The following EBF3 variants were observed in gnomAD, a reference collection of about 807,000 sequenced individuals.
The protein encoded by EBF3 is transcription factor COE3.
In EBF3, 18 loss-of-function variants were observed where a neutral mutation model predicts 77.1. The observed-to-expected ratio is 0.23, with a 90% confidence interval of 0.16 to 0.35. EBF3 has a LOEUF of 0.35. EBF3 is among the 10% of genes least tolerant of loss of function. The pLI, the probability that EBF3 is intolerant of heterozygous loss-of-function variation, is 1.00. For missense variants in EBF3, 558 were observed against 860.0 expected (o/e 0.65, Z 4.39); for synonymous variants, 350 against 343.5 (o/e 1.02, Z -0.21).
rs1851659895 is a variant in EBF3 at position 129,861,841 on chromosome 10, T to TA, written c.1039+5299dup. Among the ~76,000 whole-genome samples the TA allele has an allele frequency of 2.0e-5, 3 of 152,348 alleles. No homozygotes were observed. The South Asian group carries it at 6.2e-4, about 32-fold the overall frequency. ...AATAGTATGATTTGTGGGCGGCAAT[T>TA]AAGCATCATTTGCTCTGTGCATCCA... On this transcript the variant is annotated intron_variant, in intron 10 of 16. Coordinates refer to ENST00000440978, the MANE Select transcript of EBF3 (RefSeq NM_001375380.1). The surrounding 1 kb of genome is among the most constrained non-coding windows in gnomAD (Gnocchi z 4.3).
intron 6 of EBF3, among the ~76,000 whole-genome samples, chr10:129,918,605 C>T (rs1856053688): frequency 6.6e-6 from 1 of 152,200 alleles, no homozygotes; most frequent in African/African-American, 2.4e-5. Context: ...TGTGTGTTCG[C>T]ATGGTTGTTT....
chr10:129,868,008 G>C, intron 8 of EBF3, 96 bp from the exon 9 acceptor site: 1 of 1,521,664 alleles, frequency 6.6e-7, no homozygotes, highest in Non-Finnish European at 8.8e-7. Flanking sequence ...CACCGCGGGA[G>C]GAGAGGCGCG....
At position 129,879,481 on chromosome 10, in the gene EBF3, G is replaced by GC. The variant is rs975749443; in HGVS notation, c.555-1633dup. On this transcript the variant is annotated intron_variant, in intron 6 of 16. Coordinates refer to ENST00000440978, the MANE Select transcript of EBF3 (RefSeq NM_001375380.1). The surrounding 1 kb of genome is among the most constrained non-coding windows in gnomAD (Gnocchi z 4.7). ...TCAACGGACCAAGACTCATCTAAGT[G>GC]CCCCCCCAGCATATCCTGGATGACT... is the stretch of plus-strand genomic sequence containing the variant. 2.1e-4 allele frequency among the ~76,000 whole-genome samples: 32 copies of GC among 152,114 alleles called. No individual in the cohort carries two copies. Among genetic ancestry groups the GC allele is most frequent in the African/African-American group, 6.0e-4 (25 of 41,466 alleles).
intron 6 of EBF3, among the ~76,000 whole-genome samples, chr10:129,940,637 TG>T (rs1857664399): frequency 6.6e-6 from 1 of 152,172 alleles, no homozygotes; most frequent in East Asian, 1.9e-4. Context: ...TTATCTCTAC[TG>T]TGGGCGGGTG....
chr10:129,853,106 G>A (rs1467854404), intron 10 of EBF3, among the ~76,000 whole-genome samples: 1 of 152,238 alleles, frequency 6.6e-6, no homozygotes, highest in Non-Finnish European at 1.5e-5. Context: ...AGCCCAGCCA[G>A]CGAGCAGTGT....
intron 6 of EBF3, among the ~76,000 whole-genome samples, chr10:129,924,105 G>A (rs997072880): frequency 6.6e-6 from 1 of 152,166 alleles, no homozygotes; most frequent in African/African-American, 2.4e-5. Flanking sequence ...CACCCATTAG[G>A]ATGGCTGCTA....
In EBF3 at chr10:129,943,592, C is replaced by T. The variant is rs1187404190; in HGVS notation, c.554+13666G>A. 4.6e-5 allele frequency among the ~76,000 whole-genome samples: 7 copies of T among 152,266 alleles called. No individual in the cohort carries two copies. The highest frequency in any genetic ancestry group is 1.5e-5 in the Non-Finnish European group (1 of 68,016). ...CAAGTGGTTGCCAGGAGTCGCCAGCCGGGCTTGGGAACAAGACAGGTCCCC... is the reference window on the plus strand; with the variant it reads ...CAAGTGGTTGCCAGGAGTCGCCAGCTGGGCTTGGGAACAAGACAGGTCCCC... On this transcript the variant is annotated intron_variant, in intron 6 of 16. Coordinates refer to ENST00000440978, the MANE Select transcript of EBF3 (RefSeq NM_001375380.1). This position sits in a 1 kb window ranked among gnomAD's most constrained non-coding sequence, Gnocchi z 8.8.
chr10:129,926,312 T>G (rs549003), intron 6 of EBF3, among the ~76,000 whole-genome samples: 8,336 of 152,170 alleles, frequency 0.055, 360 homozygotes, highest in African/African-American at 0.12. Flanking sequence ...GGAGTCCCCC[T>G]TCCTGAGACC....
chr10:129,959,776 G>C (rs1859348562), intron 4 of EBF3, among the ~76,000 whole-genome samples: 1 of 151,826 alleles, frequency 6.6e-6, no homozygotes, highest in Admixed American at 6.6e-5. Flanking sequence ...CGTGGGCCGC[G>C]GCGTCGCCAG....
intron 8 of EBF3, among the ~76,000 whole-genome samples, chr10:129,868,450 T>C (rs1409992614): frequency 1.3e-5 from 2 of 152,250 alleles, no homozygotes; most frequent in African/African-American, 4.8e-5. Flanking sequence ...ACTATATTAA[T>C]ACTTTTGTCA....
intron 16 of EBF3, among the ~76,000 whole-genome samples, chr10:129,838,613 AAGAAG>A (rs1264517701): frequency 3.9e-5 from 6 of 152,212 alleles, no homozygotes; most frequent in Non-Finnish European, 8.8e-5. Flanking sequence ...CTTCTCAGGA[AAGAAG>A]AGAAAACTTT....
chr10:129,961,393 C>A (rs1295171405), intron 4 of EBF3, among the ~76,000 whole-genome samples: 6 of 152,144 alleles, frequency 3.9e-5, no homozygotes, highest in Non-Finnish European at 8.8e-5. Flanking sequence ...CCACCCAGCA[C>A]AAAACCAGCA....
At chr10:129,880,955 C>CA (rs1668094874) in intron 6 of EBF3, among the ~76,000 whole-genome samples, 1 of 152,192 alleles carries the variant, frequency 6.6e-6, no homozygotes, top group African/African-American at 2.4e-5. Flanking sequence ...CACACGATTT[C>CA]AGTGTTTGGG....
intron 6 of EBF3, 80 bp downstream of exon 6, chr10:129,957,178 G>A: frequency 7.8e-7 from 1 of 1,290,314 alleles, no homozygotes; most frequent in South Asian, 1.3e-5. Flanking sequence ...CAAAAATATG[G>A]AGCAACTGGA....
chr10:129,956,425 T>C (rs1036753373), intron 6 of EBF3, among the ~76,000 whole-genome samples: 2 of 152,276 alleles, frequency 1.3e-5, no homozygotes, highest in African/African-American at 2.4e-5. Context: ...CTGCTACCCA[T>C]TGTTGGAAAG....
chr10:129,917,369 A>C (rs1228661894), intron 6 of EBF3, among the ~76,000 whole-genome samples: 1 of 152,218 alleles, frequency 6.6e-6, no homozygotes, highest in Non-Finnish European at 1.5e-5. Flanking sequence ...ACTCCGTCTC[A>C]AGGAAAAAAA....
In EBF3 at chr10:129,963,706, G is replaced by A. The variant is rs1271307454; in HGVS notation, c.63C>T (p.Gly21=). 3.9e-6 allele frequency: 6 copies of A among 1,536,078 alleles called. No individual in the cohort carries two copies. The highest frequency in any genetic ancestry group is 2.7e-5 in the East Asian group (1 of 37,190). Residue 21 remains glycine (G), a synonymous_variant, in exon 1 of 17, where the codon GGC becomes GGT. Transcript: ENST00000440978. The surrounding 1 kb of genome is among the most constrained non-coding windows in gnomAD (Gnocchi z 7.1). ...ACGAGCGCACCGGGTTCATGCCGCT[G>A]CCCAGCGGCTCCTCCTTCATGGTCG... The part of the protein sequence containing the change: ...GGTTMKEEPL[G]SGMNPVRSWM...
chr10:129,942,426 A>T (rs1857827035), intron 6 of EBF3, among the ~76,000 whole-genome samples: 1 of 152,254 alleles, frequency 6.6e-6, no homozygotes, highest in South Asian at 2.1e-4. Flanking sequence ...ATGCCAAACA[A>T]AACAAAAGCA....
At chr10:129,930,874 CT>C (rs1232767080) in intron 6 of EBF3, among the ~76,000 whole-genome samples, 1 of 148,094 alleles carries the variant, frequency 6.8e-6, no homozygotes, top group Non-Finnish European at 1.5e-5. Context: ...ACAAATCCCC[CT>C]CTCATATACC....
Sources: allele counts gnomAD v4.1 joint callset (sites outside exome capture counted in the v4.1 genomes callset), GRCh38; gene constraint gnomAD v4.1.1; non-coding constraint Gnocchi (gnomAD v3.1); transcripts MANE v1.5; gene names NCBI Gene and HGNC (gene_info 2026-07-23, HGNC 2026-07-21).